The following THSD7A variants were observed in gnomAD, a reference collection of about 807,000 sequenced individuals.
THSD7A encodes the protein thrombospondin type-1 domain-containing protein 7A.
In THSD7A, 96 loss-of-function variants were observed where a neutral mutation model predicts 231.3. The ratio of observed to expected loss-of-function variants is 0.41; its 90% CI spans 0.35 to 0.49. The LOEUF is 0.49. THSD7A is among the 20% of genes least tolerant of loss of function. The probability of loss-of-function intolerance (pLI) is 0.05; values close to 1 mark genes in which losing one functional copy is unlikely to be tolerated. For synonymous variants in THSD7A, 940 were observed against 743.3 expected (o/e 1.26, Z -4.30); for missense variants, 2,290 against 2,070.2 (o/e 1.11, Z -2.06).
chr7:11,422,722 G>A (rs1784191308), intron 16 of THSD7A, among the ~76,000 whole-genome samples: 2 of 151,930 alleles, frequency 1.3e-5, no homozygotes, highest in Admixed American at 6.6e-5. Context: ...GCACCGTCTC[G>A]GCTCACTGCA....
chr7:11,512,942 GATATAT>G (rs59121982), intron 6 of THSD7A, among the ~76,000 whole-genome samples: 17,842 of 101,988 alleles, frequency 0.17, 2,133 homozygotes, highest in Middle Eastern at 0.24. Context: ...AAGAAACTAT[GATATAT>G]ATATATATAT....
chr7:11,644,465 G>C (rs1782207412), intron 1 of THSD7A, among the ~76,000 whole-genome samples: 1 of 151,936 alleles, frequency 6.6e-6, no homozygotes. Flanking sequence ...AGGAGAGTTG[G>C]TAGCTTCTTT....
chr7:11,799,638 C>A lies in THSD7A; in HGVS notation c.190+32119G>T, dbSNP rs1784223483. 2.0e-5 allele frequency among the ~76,000 whole-genome samples: 3 copies of A among 152,180 alleles called. No homozygotes were observed. In the South Asian group the frequency reaches 6.2e-4, roughly 31 times the overall value. On this transcript the variant is annotated intron_variant, in intron 1 of 27. Transcript: ENST00000423059. ...CACATTCCTCAGTGTCATCCTAAAG[C>A]AGTCAACTGTATTGTTTATTGACAG...
intron 13 of THSD7A, among the ~76,000 whole-genome samples, chr7:11,430,839 T>C (rs1397784257): frequency 6.6e-6 from 1 of 152,212 alleles, no homozygotes. Context: ...TTCAGTCCTT[T>C]CTATGATTGA....
At chr7:11,727,741 G>T (rs181036627) in intron 1 of THSD7A, among the ~76,000 whole-genome samples, 16 of 151,928 alleles carry the variant, frequency 1.1e-4, no homozygotes, top group Admixed American at 9.2e-4. Flanking sequence ...AATAATTATA[G>T]GTATTCCCGT....
chr7:11,820,067 A>G (rs927247266), intron 1 of THSD7A, among the ~76,000 whole-genome samples: 1 of 152,046 alleles, frequency 6.6e-6, no homozygotes, highest in Admixed American at 6.5e-5. Flanking sequence ...GATGAGAAAA[A>G]CAGCTAAAGC....
rs16876989 is a variant in THSD7A at position 11,577,819 on chromosome 7, G to T, written c.1453+12641C>A. Among the ~76,000 whole-genome samples the T allele has an allele frequency of 4.3e-4, 65 of 151,962 alleles. 1 individual carries two copies. In the South Asian group the frequency reaches 0.013, roughly 31 times the overall value. Reference sequence around the variant, plus strand: ...CTGTTTTAGAGTAACCTAACAATCCGAGGGTTACTACAAGCATCTTTGTCA... The same window carrying T: ...CTGTTTTAGAGTAACCTAACAATCCTAGGGTTACTACAAGCATCTTTGTCA... On this transcript the variant is annotated intron_variant, in intron 4 of 27. Transcript: ENST00000423059.
chr7:11,387,103 G>A (rs1484151912), intron 23 of THSD7A, among the ~76,000 whole-genome samples: 1 of 152,130 alleles, frequency 6.6e-6, no homozygotes, highest in African/African-American at 2.4e-5. Context: ...ATGCTGTTTT[G>A]GTTACTGTAG....
chr7:11,623,937 G>C (rs1781397854), intron 2 of THSD7A, among the ~76,000 whole-genome samples: 1 of 152,148 alleles, frequency 6.6e-6, no homozygotes, highest in African/African-American at 2.4e-5. Flanking sequence ...TATTATTTGA[G>C]AAAGATGAAA....
At position 11,428,978 on chromosome 7, in the gene THSD7A, C is replaced by T; in HGVS notation, c.3212G>A (p.Arg1071Lys). ...WLREKPYNGGRPCPKLDHVNQ... is the reference protein window; with the variant it reads ...WLREKPYNGGKPCPKLDHVNQ... ...GACATGGTCCAGTTTGGGGCAAGGC[C>T]TTCCTCCATTATATGGTTTTTCACG... Residue 1071 changes from arginine (R) to lysine (K), a missense_variant, in exon 14 of 28, where the codon AGG (arginine) becomes AAG (lysine). Coordinates refer to ENST00000423059, the MANE Select transcript of THSD7A (RefSeq NM_015204.3). The T allele has an allele frequency of 1.9e-6, 3 of 1,611,592 alleles. No homozygotes were observed. The highest frequency in any genetic ancestry group is 1.7e-6 in the Non-Finnish European group (2 of 1,178,948).
At chr7:11,393,573 G>A (rs1178630693) in intron 23 of THSD7A, among the ~76,000 whole-genome samples, 3 of 152,122 alleles carry the variant, frequency 2.0e-5, no homozygotes, top group Admixed American at 6.5e-5. Flanking sequence ...CTGAGCTAAA[G>A]GAACACGTTC....
chr7:11,605,617 C>T (rs1219574413), intron 2 of THSD7A, among the ~76,000 whole-genome samples: 1 of 152,142 alleles, frequency 6.6e-6, no homozygotes, highest in Non-Finnish European at 1.5e-5. Flanking sequence ...AGCCAGCTAA[C>T]ATTTACACTT....
intron 1 of THSD7A, among the ~76,000 whole-genome samples, chr7:11,762,951 T>G (rs1782913497): frequency 6.6e-6 from 1 of 152,088 alleles, no homozygotes; most frequent in Admixed American, 6.6e-5. Flanking sequence ...TTAAAAAAAT[T>G]GTAAAATTCA....
At chr7:11,691,316 A>G (rs769608543) in intron 1 of THSD7A, among the ~76,000 whole-genome samples, 89 of 151,452 alleles carry the variant, frequency 5.9e-4, no homozygotes, top group Non-Finnish European at 8.7e-4. Context: ...TTACCATGCA[A>G]GTTGCAATTG....
intron 1 of THSD7A, among the ~76,000 whole-genome samples, chr7:11,652,866 G>T (rs2128369306): frequency 6.6e-6 from 1 of 151,942 alleles, no homozygotes; most frequent in East Asian, 2.0e-4. Flanking sequence ...AAAGTCAACT[G>T]AATTTTGTTA....
At position 11,462,141 on chromosome 7, in the gene THSD7A, C is replaced by G. The variant is rs1785531694; in HGVS notation, c.2371G>C (p.Asp791His). ...CTAGACTGCTTCCTGATACTGGAGTCCCCTGCAATGAAGCAGTTTTTTAAC... is the reference window on the plus strand; with the variant it reads ...CTAGACTGCTTCCTGATACTGGAGTGCCCTGCAATGAAGCAGTTTTTTAAC... ...TSCPSSCKEG[D>H]SSIRKQSRHR... The change falls in exon 10 of 28, where the codon GAC (aspartate) becomes CAC (histidine). Residue 791 changes from aspartate (D) to histidine (H), a missense_variant and splice_region_variant. Coordinates refer to ENST00000423059, the MANE Select transcript of THSD7A (RefSeq NM_015204.3). The G allele has an allele frequency of 1.9e-6, 3 of 1,613,484 alleles. No individual in the cohort carries two copies. The highest frequency in any genetic ancestry group is 2.5e-6 in the Non-Finnish European group (3 of 1,179,628).
intron 1 of THSD7A, among the ~76,000 whole-genome samples, chr7:11,728,349 G>C (rs1424589573): frequency 6.6e-6 from 1 of 151,866 alleles, no homozygotes; most frequent in Non-Finnish European, 1.5e-5. Flanking sequence ...TAATGTATTG[G>C]AGTTTTCCTA....
chr7:11,593,875 CAAGT>C (rs1260059526), intron 2 of THSD7A, among the ~76,000 whole-genome samples: 1 of 152,090 alleles, frequency 6.6e-6, no homozygotes, highest in Non-Finnish European at 1.5e-5. Context: ...TTTAGGGAAT[CAAGT>C]AAATATGCCT....
intron 6 of THSD7A, among the ~76,000 whole-genome samples, chr7:11,509,704 C>A (rs1787712402): frequency 1.3e-5 from 2 of 150,084 alleles, no homozygotes; most frequent in East Asian, 2.0e-4. Flanking sequence ...TGCCTGTAGT[C>A]CCAGCTACTC....
Sources: allele counts gnomAD v4.1 joint callset (sites outside exome capture counted in the v4.1 genomes callset), GRCh38; gene constraint gnomAD v4.1.1; transcripts MANE v1.5; gene names NCBI Gene and HGNC (gene_info 2026-07-23, HGNC 2026-07-21).